Variants in PLOD2 observed in about 807,000 individuals in gnomAD.
PLOD2 encodes procollagen-lysine,2-oxoglutarate 5-dioxygenase 2.
In PLOD2, 65 loss-of-function variants were observed where a neutral mutation model predicts 101.0. The ratio of observed to expected loss-of-function variants is 0.64; its 90% CI spans 0.53 to 0.79. The LOEUF (loss-of-function observed/expected upper bound fraction) is 0.79. Among genes scored for constraint, PLOD2 ranks in the 30% least tolerant of loss-of-function variants. The pLI, the probability that PLOD2 is intolerant of heterozygous loss-of-function variation, is 0.00. For missense variants in PLOD2, 909 were observed against 914.6 expected (o/e 0.99, Z 0.08); for synonymous variants, 314 against 302.9 (o/e 1.04, Z -0.38).
chr3:146,128,267 A>G (rs961294202), intron 1 of PLOD2, among the ~76,000 whole-genome samples: 4 of 152,172 alleles, frequency 2.6e-5, no homozygotes, highest in Admixed American at 6.6e-5. Flanking sequence ...CCACCAATCT[A>G]TAACAGCAAA....
chr3:146,116,600 C>T (rs1937921502), intron 3 of PLOD2, among the ~76,000 whole-genome samples: 1 of 151,982 alleles, frequency 6.6e-6, no homozygotes, highest in South Asian at 2.1e-4. Context: ...TATGTATCAA[C>T]AGATGAATGG....
chr3:146,110,461 GAA>G lies in PLOD2; in HGVS notation c.339-15_339-14del. ...TATGACATCAAAGCTGTTCAATGAGGAAAAAATGTGTTTTAAAATACACTTGT... is the reference window on the plus strand; with the variant it reads ...TATGACATCAAAGCTGTTCAATGAGGAAAATGTGTTTTAAAATACACTTGT... On this transcript the variant is annotated splice_polypyrimidine_tract_variant and intron_variant, in intron 3 of 19. Coordinates refer to ENST00000282903, the MANE Select transcript of PLOD2 (RefSeq NM_182943.3). 1 of 1,577,496 alleles carries G rather than the reference GAA, an allele frequency of 6.3e-7. No homozygotes were observed. Among genetic ancestry groups the G allele is most frequent in the East Asian group, 2.3e-5 (1 of 43,032 alleles).
Position 146,091,783 on chromosome 3 carries a change from TA to T in PLOD2, c.879+16del. 1 of 1,339,438 alleles carries T rather than the reference TA, an allele frequency of 7.5e-7. No homozygotes were observed. Among genetic ancestry groups the T allele is most frequent in the Non-Finnish European group, 1.1e-6 (1 of 929,654 alleles). 83.0% of individuals were successfully genotyped at this position (1,339,438 alleles called of 1,614,324 possible). A position where few individuals can be genotyped will look rare whatever the true frequency, so the allele number is the denominator to read the frequency against. ...ACTTTCTATTACTACATTTCACACA[TA>T]ATCAATTCCACTTACATCTACTGCA... On this transcript the variant is annotated intron_variant, in intron 8 of 19. Coordinates refer to ENST00000282903, the MANE Select transcript of PLOD2 (RefSeq NM_182943.3).
At chr3:146,092,320 C>T (rs1937003476) in intron 7 of PLOD2, among the ~76,000 whole-genome samples, 1 of 151,990 alleles carries the variant, frequency 6.6e-6, no homozygotes, top group Admixed American at 6.6e-5. Flanking sequence ...CAGACACCTA[C>T]AGTAAATGGG....
intron 1 of PLOD2, among the ~76,000 whole-genome samples, chr3:146,144,799 C>G (rs1269905638): frequency 3.3e-5 from 5 of 151,452 alleles, no homozygotes; most frequent in African/African-American, 1.2e-4. Flanking sequence ...TATTGTTTAT[C>G]AATATGTATG....
intron 11 of PLOD2, among the ~76,000 whole-genome samples, chr3:146,082,478 A>G (rs1936588172): frequency 6.6e-6 from 1 of 152,324 alleles, no homozygotes; most frequent in South Asian, 2.1e-4. Flanking sequence ...TCCTTTAACT[A>G]TTTTAGAAAG....
chr3:146,154,221 ATTGAGT>A (rs2032196407), intron 1 of PLOD2, among the ~76,000 whole-genome samples: 1 of 152,220 alleles, frequency 6.6e-6, no homozygotes. Context: ...TTAAAAGTCT[ATTGAGT>A]ATATTTACAG....
intron 2 of PLOD2, 82 bp from the exon 3 acceptor site, chr3:146,121,330 T>C: frequency 2.6e-6 from 3 of 1,161,034 alleles, no homozygotes; most frequent in South Asian, 1.2e-5. Context: ...CATCATCAAC[T>C]TGAACAGTAC....
chr3:146,096,742 G>A (rs1372143245), intron 7 of PLOD2, among the ~76,000 whole-genome samples: 4 of 149,754 alleles, frequency 2.7e-5, no homozygotes, highest in South Asian at 4.2e-4. Context: ...CACCCCGTCC[G>A]GGAGGGAGGT....
intron 14 of PLOD2, chr3:146,077,121 GA>G (rs1471264941): frequency 1.7e-6 from 2 of 1,169,220 alleles, no homozygotes; most frequent in East Asian, 4.7e-5. Flanking sequence ...ACACTCAACT[GA>G]AAAAAAGAAG....
chr3:146,139,595 A>G (rs1189601821), intron 1 of PLOD2, among the ~76,000 whole-genome samples: 1 of 152,122 alleles, frequency 6.6e-6, no homozygotes, highest in African/African-American at 2.4e-5. Context: ...AGCTCATCCT[A>G]AAGTGTAAAG....
At chr3:146,089,156 T>C (rs964587973) in intron 8 of PLOD2, among the ~76,000 whole-genome samples, 1 of 151,602 alleles carries the variant, frequency 6.6e-6, no homozygotes, top group Non-Finnish European at 1.5e-5. Context: ...TAAAAAGCAA[T>C]CATGGGAGAC....
chr3:146,097,064 C>T (rs1261739684), intron 7 of PLOD2, among the ~76,000 whole-genome samples: 1 of 148,578 alleles, frequency 6.7e-6, no homozygotes, highest in Non-Finnish European at 1.5e-5. Flanking sequence ...CTCTGCCCGG[C>T]CGCCCCTACT....
At chr3:146,092,621 G>A (rs3804664) in intron 7 of PLOD2, among the ~76,000 whole-genome samples, 63,591 of 151,626 alleles carry the variant, frequency 0.42, 13,765 homozygotes, top group East Asian at 0.56. Context: ...CCCTTTGTGA[G>A]GTATCTGTTC....
chr3:146,147,731 A>ATT (rs2031854502), intron 1 of PLOD2, among the ~76,000 whole-genome samples: 1 of 152,194 alleles, frequency 6.6e-6, no homozygotes, highest in Non-Finnish European at 1.5e-5. Context: ...TGGACTTAAG[A>ATT]AAGATGAGAC....
intron 1 of PLOD2, among the ~76,000 whole-genome samples, chr3:146,152,455 GT>G (rs1359344632): frequency 6.6e-6 from 1 of 152,012 alleles, no homozygotes. Context: ...AGAAAATTAA[GT>G]GTCCAATGGC....
chr3:146,133,207 T>C (rs928705025), intron 1 of PLOD2, among the ~76,000 whole-genome samples: 5 of 152,134 alleles, frequency 3.3e-5, no homozygotes, highest in African/African-American at 1.2e-4. Context: ...TCCATTTTCC[T>C]AGTATGAGGT....
At chr3:146,087,462 A>G (rs1315792498) in intron 9 of PLOD2, among the ~76,000 whole-genome samples, 3 of 152,072 alleles carry the variant, frequency 2.0e-5, no homozygotes, top group Admixed American at 2.0e-4. Context: ...ACAAAATTCT[A>G]TGGACAGATT....
At chr3:146,075,072 C>T (rs1449489255) in intron 15 of PLOD2, among the ~76,000 whole-genome samples, 1 of 151,584 alleles carries the variant, frequency 6.6e-6, no homozygotes, top group African/African-American at 2.4e-5. Flanking sequence ...CTCAAGACAC[C>T]AAGAGATTCA....
Sources: gnomAD v4.1 joint callset for allele counts (sites outside exome capture counted in the v4.1 genomes callset) on GRCh38, gnomAD v4.1.1 for gene constraint, MANE v1.5 for transcripts, NCBI Gene and HGNC (gene_info 2026-07-23, HGNC 2026-07-21) for gene names.